Variants in RALGPS1 observed in about 807,000 individuals in gnomAD.
RALGPS1 encodes ras-specific guanine nucleotide-releasing factor RalGPS1.
A neutral mutation model predicts 78.8 loss-of-function variants in RALGPS1; 19 were observed. The ratio of observed to expected loss-of-function variants is 0.24; its 90% CI spans 0.17 to 0.35. The LOEUF is 0.35. Among genes scored for constraint, RALGPS1 ranks in the 10% least tolerant of loss-of-function variants. The pLI, the probability that RALGPS1 is intolerant of heterozygous loss-of-function variation, is 1.00. For synonymous variants in RALGPS1, 228 were observed against 256.3 expected (o/e 0.89, Z 1.06); for missense variants, 454 against 688.3 (o/e 0.66, Z 3.81).
chr9:127,035,829 G>C (rs1261952771), intron 5 of RALGPS1, among the ~76,000 whole-genome samples: 1 of 152,102 alleles, frequency 6.6e-6, no homozygotes, highest in Non-Finnish European at 1.5e-5. Context: ...TTTGAAAAGA[G>C]AAGTTCCAAA....
intron 3 of RALGPS1, among the ~76,000 whole-genome samples, chr9:126,967,349 C>G (rs910482191): frequency 1.8e-4 from 27 of 152,312 alleles, no homozygotes; most frequent in African/African-American, 6.5e-4. Context: ...CCCAGGCTCA[C>G]CTGCATCCTC....
intron 1 of RALGPS1, among the ~76,000 whole-genome samples, chr9:126,952,675 G>GTGTGTGTC (rs1389201158): frequency 1.0e-4 from 11 of 106,490 alleles, no homozygotes; most frequent in South Asian, 5.2e-4. Context: ...GTGTGTGTGT[G>GTGTGTGTC]TGTGTCTGTG....
intron 11 of RALGPS1, among the ~76,000 whole-genome samples, chr9:127,176,707 G>A (rs1404100712): frequency 1.3e-5 from 2 of 152,186 alleles, no homozygotes; most frequent in Non-Finnish European, 2.9e-5. Flanking sequence ...CTGTCCTTCA[G>A]ACAGCTCTGG....
intron 1 of RALGPS1, among the ~76,000 whole-genome samples, chr9:126,931,941 AGAG>A: frequency 6.6e-6 from 1 of 152,038 alleles, no homozygotes; most frequent in East Asian, 1.9e-4. Flanking sequence ...TTGAGTTGAT[AGAG>A]GAGCAATGTG....
At chr9:127,184,170 T>C (rs1356066011) in intron 11 of RALGPS1, 6 of 955,400 alleles carry the variant, frequency 6.3e-6, no homozygotes, top group African/African-American at 1.6e-5. Context: ...TACAAAAGTA[T>C]ATAAATGATC....
intron 4 of RALGPS1, among the ~76,000 whole-genome samples, chr9:126,991,905 G>A (rs1460425978): frequency 6.6e-6 from 1 of 152,250 alleles, no homozygotes; most frequent in Admixed American, 6.5e-5. Flanking sequence ...GTCAAGCTGA[G>A]AAGGGCTCTG....
rs984315322 is a variant in RALGPS1 at position 127,044,254 on chromosome 9, C to CT, written c.301-5778dup. Among the ~76,000 whole-genome samples, 559 of 147,250 alleles carry CT rather than the reference C, an allele frequency of 3.8e-3. 2 individuals are homozygous for CT. The highest frequency in any genetic ancestry group is 0.011 in the African/African-American group (448 of 40,288). The stretch of plus-strand genomic sequence containing the variant: ...AAGTCATATAAAGACATGGATGAAT[C>CT]TTTTTTTTTTTCTTTTTTTGAGACA... On this transcript the variant is annotated intron_variant, in intron 5 of 18. Transcript: ENST00000259351.
intron 2 of RALGPS1, among the ~76,000 whole-genome samples, chr9:126,964,560 T>C (rs1474684531): frequency 1.3e-5 from 2 of 152,176 alleles, no homozygotes; most frequent in East Asian, 3.8e-4. Context: ...AACGAAGTTA[T>C]TCGTCTGAGC....
At chr9:127,034,558 C>T in intron 5 of RALGPS1, 44 bp downstream of exon 5, 1 of 1,544,844 alleles carries the variant, frequency 6.5e-7, no homozygotes, top group Non-Finnish European at 9.0e-7. Flanking sequence ...GAGCAATCTG[C>T]TGCTGTCCCC....
chr9:127,093,724 G>A lies in RALGPS1; in HGVS notation c.610+24368G>A, dbSNP rs1489118451. ...GTGGGCAGCACAGACATCCCCTGCC[G>A]AGTCTCACCTTGTACGTCTCCCAGT... On this transcript the variant is annotated intron_variant, in intron 8 of 18. Transcript: ENST00000259351. The A allele has an allele frequency of 3.1e-6, 5 of 1,613,408 alleles. No homozygotes were observed. In the African/African-American group the frequency reaches 4.0e-5, roughly 13 times the overall value.
chr9:127,114,238 G>T (rs2055166382), intron 8 of RALGPS1, among the ~76,000 whole-genome samples: 1 of 152,128 alleles, frequency 6.6e-6, no homozygotes, highest in South Asian at 2.1e-4. Context: ...TTATATTGTA[G>T]CAATTTTCTG....
intron 8 of RALGPS1, among the ~76,000 whole-genome samples, chr9:127,131,711 C>T (rs1453961009): frequency 1.3e-5 from 2 of 152,270 alleles, no homozygotes; most frequent in East Asian, 1.9e-4. Context: ...TAGGGAGGCT[C>T]CTGACCCTCG....
rs1434646632 is a variant in RALGPS1, at chr9:127,174,277, GAA to G, written c.843-436_843-435del. Among the ~76,000 whole-genome samples the G allele has an allele frequency of 8.0e-5, 11 of 137,184 alleles. No homozygotes were observed. The East Asian group carries it at 1.4e-3, about 18-fold the overall frequency. The allele number at this position is 137,184 out of a possible 152,430, so 90.0% of individuals were successfully genotyped here. On this transcript the variant is annotated intron_variant, in intron 10 of 18. Transcript: ENST00000259351. The stretch of plus-strand genomic sequence containing the variant: ...AGAAAGAAAGAAAAAGAGAGAGAGA[GAA>G]AGAAAGAAAGAGAAAGAAAGAGAAA...
At chr9:127,106,657 G>C (rs1463978816) in intron 8 of RALGPS1, among the ~76,000 whole-genome samples, 2 of 152,126 alleles carry the variant, frequency 1.3e-5, no homozygotes, top group African/African-American at 4.8e-5. Context: ...CCTGCACCCA[G>C]GCCAGGTCTT....
At chr9:127,209,315 T>A (rs1346558509) in intron 14 of RALGPS1, among the ~76,000 whole-genome samples, 1 of 152,242 alleles carries the variant, frequency 6.6e-6, no homozygotes, top group African/African-American at 2.4e-5. Flanking sequence ...GCCCAGCATG[T>A]GGTGCCGGTA....
intron 8 of RALGPS1, among the ~76,000 whole-genome samples, chr9:127,089,952 G>C (rs1260646076): frequency 6.6e-6 from 1 of 152,244 alleles, no homozygotes; most frequent in African/African-American, 2.4e-5. Flanking sequence ...GGCTGCTCCA[G>C]TCAGAATTGT....
chr9:127,156,227 A>G (rs544617199), intron 8 of RALGPS1, among the ~76,000 whole-genome samples: 19 of 152,350 alleles, frequency 1.2e-4, no homozygotes, highest in African/African-American at 4.3e-4. Context: ...ATAAATTACA[A>G]ACAATGCTGC....
At chr9:126,941,590 A>G (rs935410734) in intron 1 of RALGPS1, among the ~76,000 whole-genome samples, 1 of 152,042 alleles carries the variant, frequency 6.6e-6, no homozygotes, top group African/African-American at 2.4e-5. Context: ...TGATTTACTT[A>G]GTGTCTGTTT....
In RALGPS1 at chr9:127,174,721, G is replaced by A. The variant is rs749173115; in HGVS notation, c.849G>A (p.Ser283=). 17 of 1,613,894 alleles carry A rather than the reference G, an allele frequency of 1.1e-5. No individual in the cohort carries two copies. The highest frequency in any genetic ancestry group is 4.4e-5 in the South Asian group (4 of 91,074). The change falls in exon 11 of 19, where the codon TCG becomes TCA. Residue 283 remains serine, a synonymous_variant. Coordinates refer to ENST00000259351, the MANE Select transcript of RALGPS1 (RefSeq NM_014636.3). ...KFVEDDNYKL[S]LRIEPGSSSP... ...TGAAAATCTTTGTTTTCAGACTGTC[G>A]CTCAGAATCGAACCAGGAAGCAGCT...
Sources: allele counts gnomAD v4.1 joint callset (sites outside exome capture counted in the v4.1 genomes callset), GRCh38; gene constraint gnomAD v4.1.1; transcripts MANE v1.5; gene names NCBI Gene and HGNC (gene_info 2026-07-23, HGNC 2026-07-21).